SYNE1: variants seen among roughly 807,000 people sequenced by gnomAD.
SYNE1 encodes nesprin-1.
In SYNE1, 616 loss-of-function variants were observed where a neutral mutation model predicts 1,111.0. The observed-to-expected ratio is 0.55, with a 90% CI of 0.52 to 0.59. The LOEUF (loss-of-function observed/expected upper bound fraction) is 0.59, where lower values mean the gene tolerates loss of function less well. Ranked by LOEUF, SYNE1 falls within the 20% of genes least tolerant of loss-of-function variation. SYNE1 has a pLI of 0.00. For synonymous variants in SYNE1, 3,855 were observed against 3,825.8 expected, an observed-to-expected ratio of 1.01 and a Z score of -0.28; for missense variants, 10,006 against 10,417.0, an observed-to-expected ratio of 0.96 and a Z score of 1.72.
At chr6:152,357,835 T>C (rs1252533295) in intron 66 of SYNE1, among the ~76,000 whole-genome samples, 1 of 152,200 alleles carries the variant, frequency 6.6e-6, no homozygotes, top group Non-Finnish European at 1.5e-5. Flanking sequence ...TTCTCCACCA[T>C]GTCTGGCATC....
intron 3 of SYNE1, 108 bp from the exon 4 acceptor site, chr6:152,540,129 T>C: frequency 9.0e-7 from 1 of 1,113,960 alleles, no homozygotes; most frequent in Admixed American, 1.9e-5. Flanking sequence ...AATCGTTTTC[T>C]CATTCATTTT....
chr6:152,322,552 T>C (rs1364390133), intron 82 of SYNE1, among the ~76,000 whole-genome samples: 3 of 152,224 alleles, frequency 2.0e-5, no homozygotes, highest in Non-Finnish European at 4.4e-5. Flanking sequence ...TGCTAGTCGA[T>C]GGCTATTATT....
At chr6:152,229,033 T>G (rs1277585895) in intron 115 of SYNE1, among the ~76,000 whole-genome samples, 1 of 152,220 alleles carries the variant, frequency 6.6e-6, no homozygotes, top group Non-Finnish European at 1.5e-5. Context: ...GAGCCAGCAC[T>G]TCTCTTCCTT....
chr6:152,453,418 T>C, intron 25 of SYNE1, 168 bp downstream of exon 25: 1 of 864,334 alleles, frequency 1.2e-6, no homozygotes, highest in Non-Finnish European at 1.9e-6. Context: ...AATTCTATCA[T>C]ATATTATCAG....
chr6:152,365,482 C>T (rs1456393089), intron 62 of SYNE1, among the ~76,000 whole-genome samples: 1 of 152,008 alleles, frequency 6.6e-6, no homozygotes, highest in African/African-American at 2.4e-5. Context: ...TTTTTAGAGA[C>T]AGAGTCTATC....
At chr6:152,160,949 T>C (rs763676479) in intron 131 of SYNE1, among the ~76,000 whole-genome samples, 27 of 152,052 alleles carry the variant, frequency 1.8e-4, no homozygotes, top group Non-Finnish European at 4.4e-5. Flanking sequence ...TATATGAATA[T>C]ATATACACAC....
In SYNE1 at chr6:152,231,786, G is replaced by GTGTGTGTA. The variant is rs5880960; in HGVS notation, c.20863-220_20863-219insTACACACA. ...CATAAACACAGATATACGTGTGTAT[G>GTGTGTGTA]TGTGTGTGTGTGTGTGTATATATAT... On this transcript the variant is annotated intron_variant, in intron 113 of 145. Transcript: ENST00000367255. 0.12 allele frequency among the ~76,000 whole-genome samples: 14,714 copies of GTGTGTGTA among 127,724 alleles called. 944 individuals carry two copies. Among genetic ancestry groups the GTGTGTGTA allele is most frequent in the East Asian group, 0.22 (549 of 2,490 alleles). 83.8% of individuals were successfully genotyped at this position (127,724 alleles called of 152,430 possible).
chr6:152,588,593 CT>C (rs1228251074), intron 3 of SYNE1, among the ~76,000 whole-genome samples: 5 of 152,106 alleles, frequency 3.3e-5, no homozygotes, highest in Non-Finnish European at 5.9e-5. Context: ...CAAGCTGCCC[CT>C]ACATTATGGA....
chr6:152,430,375 C>T, intron 35 of SYNE1, 107 bp downstream of exon 35: 2 of 1,205,266 alleles, frequency 1.7e-6, no homozygotes, highest in South Asian at 1.3e-5. Context: ...CATTATTTCA[C>T]AAATTATGTC....
At chr6:152,534,725 A>G (rs1033179472) in intron 4 of SYNE1, among the ~76,000 whole-genome samples, 2 of 152,202 alleles carry the variant, frequency 1.3e-5, no homozygotes, top group African/African-American at 4.8e-5. Flanking sequence ...ACAAGGAAAC[A>G]GATGGGAGTA....
intron 127 of SYNE1, among the ~76,000 whole-genome samples, chr6:152,195,112 G>T (rs892602851): frequency 1.3e-5 from 2 of 151,994 alleles, no homozygotes; most frequent in African/African-American, 4.8e-5. Flanking sequence ...GTAGAGACAG[G>T]GTTTCTCCAT....
chr6:152,397,772 G>A (rs1050275989), intron 49 of SYNE1, among the ~76,000 whole-genome samples: 4 of 152,050 alleles, frequency 2.6e-5, no homozygotes, highest in South Asian at 2.1e-4. Flanking sequence ...AGGCCAAGGC[G>A]GGTGGATCAC....
At chr6:152,176,215 G>C (rs547940869) in intron 130 of SYNE1, among the ~76,000 whole-genome samples, 179 bp downstream of exon 130, 1 of 152,204 alleles carries the variant, frequency 6.6e-6, no homozygotes, top group African/African-American at 2.4e-5. Flanking sequence ...TAAAGTAAGA[G>C]GAGAATTTTC....
intron 11 of SYNE1, among the ~76,000 whole-genome samples, chr6:152,488,850 A>G (rs2098955363): frequency 6.6e-6 from 1 of 152,128 alleles, no homozygotes; most frequent in Non-Finnish European, 1.5e-5. Flanking sequence ...GTTGCTTCCT[A>G]CCCAAAGCCA....
In SYNE1 at chr6:152,404,218, G is replaced by C; in HGVS notation, c.6820C>G (p.Leu2274Val). Residue 2274 changes from leucine (L) to valine (V), a missense_variant, in exon 46 of 146, where the codon CTT becomes GTT. Transcript: ENST00000367255. ...AGTTATTACAAAATGCTTACCTGAA[G>C]GTCTGGCGGTGTTTCTAGATTTTTA... The part of the protein sequence containing the change: ...LTKNLETPPD[L>V]QFIEADLMQK... 1 of 1,611,470 alleles carries C rather than the reference G, an allele frequency of 6.2e-7. No homozygotes were observed. Among genetic ancestry groups the C allele is most frequent in the Non-Finnish European group, 8.5e-7 (1 of 1,178,632 alleles).
chr6:152,427,152 C>A (rs2098371282), intron 38 of SYNE1, among the ~76,000 whole-genome samples: 1 of 152,200 alleles, frequency 6.6e-6, no homozygotes, highest in South Asian at 2.1e-4. Context: ...TTGGCTTCTT[C>A]AAGTATGAAA....
chr6:152,244,768 A>G (rs1588610227), intron 105 of SYNE1, 112 bp from the exon 106 acceptor site: 3 of 1,354,046 alleles, frequency 2.2e-6, no homozygotes, highest in Admixed American at 1.7e-5. Flanking sequence ...AACATTCTCA[A>G]TATATACAAA....
At chr6:152,391,597 A>AAAAAT in intron 51 of SYNE1, 29 bp from the exon 52 acceptor site, 1 of 1,549,182 alleles carries the variant, frequency 6.5e-7, no homozygotes, top group Non-Finnish European at 8.7e-7. Flanking sequence ...AAAAAAAAGA[A>AAAAAT]AAAAAATTAA....
chr6:152,399,112 C>T (rs190600927), intron 48 of SYNE1, among the ~76,000 whole-genome samples: 11 of 152,340 alleles, frequency 7.2e-5, no homozygotes, highest in Admixed American at 7.2e-4. Context: ...GGAGGAACCA[C>T]CTCCTCTTTT....
Sources: gnomAD v4.1 joint callset for allele counts (sites outside exome capture counted in the v4.1 genomes callset) on GRCh38, gnomAD v4.1.1 for gene constraint, MANE v1.5 for transcripts, NCBI Gene and HGNC (gene_info 2026-07-23, HGNC 2026-07-21) for gene names.